Variants in ITIH3 observed in about 807,000 individuals in gnomAD.
The protein encoded by ITIH3 is inter-alpha-trypsin inhibitor heavy chain H3.
A neutral mutation model predicts 96.5 loss-of-function variants in ITIH3; 81 were observed. The ratio of observed to expected loss-of-function variants is 0.84; its 90% CI spans 0.70 to 1.01. The LOEUF is 1.01. Ranked by LOEUF, ITIH3 falls within the 50% of genes least tolerant of loss-of-function variation. The pLI is 0.00. For synonymous variants in ITIH3, 422 were observed against 445.2 expected, an observed-to-expected ratio of 0.95 and a Z score of 0.66; for missense variants, 1,057 against 1,139.3, an observed-to-expected ratio of 0.93 and a Z score of 1.04.
In ITIH3 at chr3:52,805,728, C is replaced by T. The variant is rs72954390; in HGVS notation, c.1874-80C>T. 14,539 of 1,601,510 alleles carry T rather than the reference C, an allele frequency of 9.1e-3. 1,204 individuals are homozygous for T. The African/African-American group carries it at 0.17, about 19-fold the overall frequency. ...TTGGGGCCCCTCTGGGGCCCAGCAG[C>T]GCTAAGACAGGAGGAAGGCACGGGG... On this transcript the variant is annotated intron_variant, in intron 15 of 21. Transcript: ENST00000449956.
In ITIH3 at chr3:52,796,625, GCCTTCATCA is replaced by G; in HGVS notation, c.262_270del (p.Phe88_Thr90del). The G allele has an allele frequency of 6.2e-7, 1 of 1,612,698 alleles. No individual in the cohort carries two copies. The highest frequency in any genetic ancestry group is 2.2e-5 in the East Asian group (1 of 44,848). ...CTTTGATGTGGAGCTGCCCAAGACG[GCCTTCATCA>G]CCAACTTCACCTTGTGGGTACCACC... On this transcript the variant is annotated inframe_deletion, in exon 3 of 22. Transcript: ENST00000449956.
chr3:52,797,554 A>G (rs1441528891), intron 5 of ITIH3, among the ~76,000 whole-genome samples: 1 of 152,186 alleles, frequency 6.6e-6, no homozygotes, highest in African/African-American at 2.4e-5. Flanking sequence ...CATTTTTCCT[A>G]CCTCAAAGCT....
chr3:52,801,947 CCCT>C (rs1272109306), intron 11 of ITIH3, among the ~76,000 whole-genome samples: 4 of 152,212 alleles, frequency 2.6e-5, no homozygotes, highest in Admixed American at 2.6e-4. Flanking sequence ...CCCATTCCCT[CCCT>C]CCTCTGTCTC....
chr3:52,805,302 T>A, intron 15 of ITIH3: 1 of 1,006,502 alleles, frequency 9.9e-7, no homozygotes, highest in Non-Finnish European at 1.2e-6. Context: ...CCCACCTCCA[T>A]TTGGACTGGC....
chr3:52,807,986 C>G (rs1700117599), intron 20 of ITIH3, 70 bp downstream of exon 20: 1 of 1,576,166 alleles, frequency 6.3e-7, no homozygotes, highest in Admixed American at 1.8e-5. Flanking sequence ...ACAAGGCCTT[C>G]CTAGGCACCC....
rs1376854575 is a variant in ITIH3, at chr3:52,808,643, G to A, written c.2635G>A (p.Gly879Ser). ...VHNNGEGLID[G>S]VHTDYIVPNL... ...CAACAACGGAGAAGGGCTGATTGAT[G>A]GTGTCCACACTGACTACATTGTCCC... Residue 879 changes from glycine to serine, a missense_variant, in exon 22 of 22, where the codon GGT (glycine) becomes AGT (serine). Gly to Ser is a moderately conservative substitution (Grantham distance 56, BLOSUM62 0). Coordinates refer to ENST00000449956, the MANE Select transcript of ITIH3 (RefSeq NM_002217.4). 1.2e-6 allele frequency: 2 copies of A among 1,613,828 alleles called. No homozygotes were observed. Among genetic ancestry groups the A allele is most frequent in the Non-Finnish European group, 1.7e-6 (2 of 1,179,844 alleles).
At chr3:52,795,925 C>T in intron 2 of ITIH3, 1 of 414,106 alleles carries the variant, frequency 2.4e-6, no homozygotes, top group Non-Finnish European at 4.3e-6. Context: ...CTGCCACACC[C>T]TCACGAAGCA....
chr3:52,796,919 G>T, intron 4 of ITIH3, 76 bp downstream of exon 4: 1 of 1,199,480 alleles, frequency 8.3e-7, no homozygotes, highest in Non-Finnish European at 1.2e-6. Flanking sequence ...AACAACAACA[G>T]CTATTATTAT....
At chr3:52,805,365 C>T (rs1049153507) in intron 15 of ITIH3, 123 of 1,016,868 alleles carry the variant, frequency 1.2e-4, no homozygotes, top group Non-Finnish European at 1.4e-4. Flanking sequence ...ATAAATGTAC[C>T]GGTGCATGTG....
chr3:52,802,778 C>A lies in ITIH3; in HGVS notation c.1681C>A (p.Leu561Ile). 6.2e-7 allele frequency: 1 copy of A among 1,614,010 alleles called. No homozygotes were observed. Among genetic ancestry groups the A allele is most frequent in the South Asian group, 1.1e-5 (1 of 91,082 alleles). Residue 561 changes from leucine to isoleucine, a missense_variant, in exon 13 of 22, where the codon CTC becomes ATC. By Grantham distance (5) the Leu-to-Ile change is conservative. Coordinates refer to ENST00000449956, the MANE Select transcript of ITIH3 (RefSeq NM_002217.4). ...TTACATTGAGCGGCTCTGGGCCTAC[C>A]TCACCATTGAGCAGCTGCTGGAGAA... Reference protein sequence around the residue: ...GNYIERLWAYLTIEQLLEKRK... With the variant: ...GNYIERLWAYITIEQLLEKRK...
chr3:52,798,915 G>T (rs1354721445), intron 6 of ITIH3, 51 bp from the exon 7 acceptor site: 12 of 1,602,540 alleles, frequency 7.5e-6, no homozygotes, highest in African/African-American at 1.3e-5. Context: ...AGGTCTCCCA[G>T]TGGGCAGGCC....
Position 52,795,628 on chromosome 3 carries a change from G to T in ITIH3, c.114+5G>T. ...AAACGGAGCCTCCCGGAAGGGGTAA[G>T]AACTTTCACCAGGGGGTGGGACCGA... On this transcript the variant is annotated splice_donor_5th_base_variant and intron_variant, in intron 2 of 21. Coordinates refer to ENST00000449956, the MANE Select transcript of ITIH3 (RefSeq NM_002217.4). 1.9e-6 allele frequency: 3 copies of T among 1,612,370 alleles called. No homozygotes were observed. The highest frequency in any genetic ancestry group is 2.5e-6 in the Non-Finnish European group (3 of 1,179,258).
intron 13 of ITIH3, among the ~76,000 whole-genome samples, chr3:52,803,530 G>A (rs1699925603): frequency 6.6e-6 from 1 of 152,092 alleles, no homozygotes; most frequent in African/African-American, 2.4e-5. Flanking sequence ...TGTTGGCCAG[G>A]CTGATCTCGA....
Position 52,806,130 on chromosome 3 carries a change from A to G in ITIH3, c.1934A>G (p.Tyr645Cys). The change falls in exon 17 of 22, where the codon TAC becomes TGC. Residue 645 changes from tyrosine (Y) to cysteine (C), a missense_variant. By Grantham distance (194) the Tyr-to-Cys change is radical. Transcript: ENST00000449956. Reference protein sequence around the residue: ...LTSYQPPQNPYYYVDGDPHFI... With the variant: ...LTSYQPPQNPCYYVDGDPHFI... Reference sequence around the variant, plus strand: ...AGCTACCAGCCTCCTCAAAACCCCTACTACTATGGTGAGTCCCTGGCTGCT... The same window carrying G: ...AGCTACCAGCCTCCTCAAAACCCCTGCTACTATGGTGAGTCCCTGGCTGCT... The G allele has an allele frequency of 1.2e-6, 2 of 1,602,176 alleles. No individual in the cohort carries two copies. The highest frequency in any genetic ancestry group is 1.7e-6 in the Non-Finnish European group (2 of 1,174,640).
At chr3:52,807,456 C>A (rs573396446) in intron 19 of ITIH3, among the ~76,000 whole-genome samples, 1 of 152,222 alleles carries the variant, frequency 6.6e-6, no homozygotes, top group Non-Finnish European at 1.5e-5. Context: ...AGGTGTGGAG[C>A]CTGCCCAATG....
intron 10 of ITIH3, 49 bp downstream of exon 10, chr3:52,800,712 C>A: frequency 6.3e-7 from 1 of 1,580,824 alleles, no homozygotes; most frequent in Non-Finnish European, 8.6e-7. Flanking sequence ...TGCTTGGCTG[C>A]TGCTCCTGGC....
At chr3:52,798,514 T>C (rs1250734569) in intron 6 of ITIH3, 2 of 182,600 alleles carry the variant, frequency 1.1e-5, no homozygotes, top group East Asian at 1.4e-4. Context: ...TTTCTCCTCC[T>C]TTCTCCCTCC....
chr3:52,806,040 G>A, intron 16 of ITIH3, 63 bp from the exon 17 acceptor site: 3 of 1,553,668 alleles, frequency 1.9e-6, no homozygotes, highest in South Asian at 2.3e-5. Flanking sequence ...CTCCTATGGG[G>A]GTCGTCGGGC....
rs1559472803 is a variant in ITIH3 at position 52,803,312 on chromosome 3, TTTTATTATTATTA to T, written c.1709+510_1709+522del. ...TTTATTTATTTATTTATTTATTTTA[TTTTATTATTATTA>T]TTTTTTTTTTTGAGACGGAGTCTCG... On this transcript the variant is annotated intron_variant, in intron 13 of 21. Coordinates refer to ENST00000449956, the MANE Select transcript of ITIH3 (RefSeq NM_002217.4). Among the ~76,000 whole-genome samples, 218 of 118,252 alleles carry T rather than the reference TTTTATTATTATTA, an allele frequency of 1.8e-3. 1 individual carries two copies. Among genetic ancestry groups the T allele is most frequent in the African/African-American group, 0.012 (184 of 15,200 alleles). The allele number at this position is 118,252 out of a possible 152,430, so 77.6% of individuals were successfully genotyped here.
Sources: allele counts gnomAD v4.1 joint callset (sites outside exome capture counted in the v4.1 genomes callset), GRCh38; gene constraint gnomAD v4.1.1; transcripts MANE v1.5; gene names NCBI Gene and HGNC (gene_info 2026-07-23, HGNC 2026-07-21).